The following PRMT8 variants were observed in gnomAD, a reference collection of about 807,000 sequenced individuals.
PRMT8 encodes the protein protein arginine N-methyltransferase 8.
PRMT8 carries 7 observed loss-of-function variants against 47.1 expected under a neutral mutation model. The ratio of observed to expected loss-of-function variants is 0.15; its 90% CI spans 0.08 to 0.28. The LOEUF (loss-of-function observed/expected upper bound fraction) is 0.28. PRMT8 is among the 10% of genes least tolerant of loss of function. The pLI is 1.00. For missense variants in PRMT8, 237 were observed against 505.4 expected (o/e 0.47, Z 5.09); for synonymous variants, 188 against 186.5 (o/e 1.01, Z -0.07).
rs562150967 is a variant in PRMT8, at chr12:3,569,379, G to A, written c.625-98G>A. On this transcript the variant is annotated intron_variant, in intron 5 of 9. Coordinates refer to ENST00000382622, the MANE Select transcript of PRMT8 (RefSeq NM_019854.5). The surrounding 1 kb of genome is among the most constrained non-coding windows in gnomAD (Gnocchi z 8.2). ...TCCACTGCATGAGAGATGGTGGCAA[G>A]GGGGTGCTTGTCTGGTGACTCTATG... is the stretch of plus-strand genomic sequence containing the variant. The A allele has an allele frequency of 5.1e-6, 5 of 983,472 alleles. No individual in the cohort carries two copies. Among genetic ancestry groups the A allele is most frequent in the East Asian group, 4.8e-5 (2 of 41,818 alleles). 60.9% of individuals were successfully genotyped at this position (983,472 alleles called of 1,614,324 possible). A position where few individuals can be genotyped will look rare whatever the true frequency, so the allele number is the denominator to read the frequency against.
At chr12:3,582,693 T>C (rs1445288702) in intron 7 of PRMT8, among the ~76,000 whole-genome samples, 1 of 152,208 alleles carries the variant, frequency 6.6e-6, no homozygotes, top group Non-Finnish European at 1.5e-5. Flanking sequence ...GAGCAGTGCC[T>C]GGGTGGACCA....
upstream of PRMT8, among the ~76,000 whole-genome samples, chr12:3,486,781 A>C (rs1359127110): frequency 6.6e-6 from 1 of 152,240 alleles, no homozygotes; most frequent in Non-Finnish European, 1.5e-5. Flanking sequence ...TATTATACTA[A>C]GAAAATGCCT....
chr12:3,461,292 C>T (rs1865038446), intron 1 of PRMT8, among the ~76,000 whole-genome samples: 1 of 152,166 alleles, frequency 6.6e-6, no homozygotes, highest in Non-Finnish European at 1.5e-5. Flanking sequence ...ATTCCTGTAG[C>T]AGCAGGAAGC....
chr12:3,404,141 C>T (rs534932366), intron 1 of PRMT8, among the ~76,000 whole-genome samples: 50 of 152,010 alleles, frequency 3.3e-4, no homozygotes, highest in Non-Finnish European at 6.8e-4. Context: ...CTTTTGTACT[C>T]CTCTCTTCCC....
chr12:3,530,288 C>G (rs1307724903), intron 1 of PRMT8, among the ~76,000 whole-genome samples: 1 of 152,124 alleles, frequency 6.6e-6, no homozygotes, highest in African/African-American at 2.4e-5. Context: ...CAACATTCAC[C>G]CAGTTGAAGT....
rs556602315 is a variant in PRMT8, at chr12:3,474,900, A to G, written c.49-65706A>G. Among the ~76,000 whole-genome samples, 276 of 152,294 alleles carry G rather than the reference A, an allele frequency of 1.8e-3. 4 individuals carry two copies. The highest frequency in any genetic ancestry group is 6.5e-4 in the Non-Finnish European group (44 of 68,018). ...TCAGTGAACATTTGCTGGATGGACA[A>G]ACAAACATGGAATTCAAATCCAGAT... On this transcript the variant is annotated intron_variant, in intron 1 of 9. Coordinates refer to the PRMT8 transcript ENST00000452611.
At chr12:3,408,736 A>G (rs1168649766) in intron 1 of PRMT8, among the ~76,000 whole-genome samples, 1 of 152,106 alleles carries the variant, frequency 6.6e-6, no homozygotes, top group South Asian at 2.1e-4. Flanking sequence ...GGAAAGACTC[A>G]CCTGCAGAGG....
At chr12:3,383,107 G>A (rs1355657141) in intron 1 of PRMT8, among the ~76,000 whole-genome samples, 2 of 152,172 alleles carry the variant, frequency 1.3e-5, no homozygotes, top group East Asian at 1.9e-4. Context: ...CTTGGTAAGT[G>A]TAGCTGTATA....
chr12:3,404,034 A>G (rs970548628), intron 1 of PRMT8, among the ~76,000 whole-genome samples: 2 of 152,148 alleles, frequency 1.3e-5, no homozygotes, highest in African/African-American at 4.8e-5. Flanking sequence ...ACAAACATCC[A>G]TACGTCCTTT....
intron 1 of PRMT8, among the ~76,000 whole-genome samples, chr12:3,439,922 G>A (rs1482093377): frequency 6.6e-6 from 1 of 152,178 alleles, no homozygotes; most frequent in Non-Finnish European, 1.5e-5. Flanking sequence ...GGTGGTCGTG[G>A]CAGAAGTATG....
At chr12:3,441,239 C>CTT (rs57505916) in intron 1 of PRMT8, among the ~76,000 whole-genome samples, 1 of 151,892 alleles carries the variant, frequency 6.6e-6, no homozygotes, top group African/African-American at 2.4e-5. Flanking sequence ...GTATTAAGAA[C>CTT]TTTTTTTTAC....
At chr12:3,527,842 CT>C (rs1415070259) in intron 1 of PRMT8, among the ~76,000 whole-genome samples, 1 of 152,108 alleles carries the variant, frequency 6.6e-6, no homozygotes, top group African/African-American at 2.4e-5. Flanking sequence ...ATGATAAAAT[CT>C]TTCAGTTTTT....
At chr12:3,486,480 A>G (rs77586514), upstream of PRMT8, among the ~76,000 whole-genome samples, 1,180 of 152,324 alleles carry the variant, frequency 7.7e-3, 14 homozygotes, top group African/African-American at 0.026. Context: ...AGTCATATAA[A>G]GTTAACAGAA....
At chr12:3,416,593 G>C (rs977107625) in intron 1 of PRMT8, among the ~76,000 whole-genome samples, 3 of 152,230 alleles carry the variant, frequency 2.0e-5, no homozygotes, top group African/African-American at 7.2e-5. Context: ...AGAAGGAGCT[G>C]ACAGAGGATT....
intron 1 of PRMT8, among the ~76,000 whole-genome samples, chr12:3,449,663 T>C (rs922937754): frequency 6.6e-6 from 1 of 152,232 alleles, no homozygotes; most frequent in Admixed American, 6.5e-5. Flanking sequence ...TTGCAAACTT[T>C]TTCTCCCATT....
At chr12:3,476,366 G>C (rs144012819) in intron 1 of PRMT8, among the ~76,000 whole-genome samples, 280 of 152,274 alleles carry the variant, frequency 1.8e-3, no homozygotes, top group African/African-American at 6.6e-3. Context: ...GCGTCTGCTG[G>C]TCTCAGACAG....
At chr12:3,567,513 A>T (rs911984336) in intron 4 of PRMT8, among the ~76,000 whole-genome samples, 3 of 152,164 alleles carry the variant, frequency 2.0e-5, no homozygotes, top group Non-Finnish European at 4.4e-5. Context: ...TGTCATGGTA[A>T]CCTAACATAG....
rs1451308912 is a variant in PRMT8 at position 3,535,687 on chromosome 12, C to T, written c.76-4919C>T. On this transcript the variant is annotated intron_variant, in intron 1 of 9. Transcript: ENST00000382622. This position sits in a 1 kb window ranked among gnomAD's most constrained non-coding sequence, Gnocchi z 4.7. ...TCCAGGGTGATGTGGGCACAGGAAC[C>T]CTGGAAGGGACTGGGGGCACTGGAA... 6.6e-6 allele frequency among the ~76,000 whole-genome samples: 1 copy of T among 152,112 alleles called. No individual in the cohort carries two copies. Among genetic ancestry groups the T allele is most frequent in the East Asian group, 1.9e-4 (1 of 5,188 alleles).
chr12:3,392,564 G>A (rs905362859), intron 1 of PRMT8, among the ~76,000 whole-genome samples: 1 of 150,894 alleles, frequency 6.6e-6, no homozygotes. Context: ...TGGCTGCATA[G>A]TATTCCATGG....
Sources: allele counts gnomAD v4.1 joint callset (sites outside exome capture counted in the v4.1 genomes callset), GRCh38; gene constraint gnomAD v4.1.1; non-coding constraint Gnocchi (gnomAD v3.1); transcripts MANE v1.5; gene names NCBI Gene and HGNC (gene_info 2026-07-23, HGNC 2026-07-21).